Variants in AOAH observed in about 807,000 individuals in gnomAD.
AOAH encodes acyloxyacyl hydrolase.
In AOAH, 64 loss-of-function variants were observed where a neutral mutation model predicts 92.2. The ratio of observed to expected loss-of-function variants is 0.69; its 90% CI spans 0.57 to 0.86. The LOEUF is 0.86. Ranked by LOEUF, AOAH falls within the 40% of genes least tolerant of loss-of-function variation. The pLI, the probability that AOAH is intolerant of heterozygous loss-of-function variation, is 0.00. For missense variants in AOAH, 656 were observed against 694.6 expected (o/e 0.94, Z 0.62); for synonymous variants, 263 against 254.5 (o/e 1.03, Z -0.32).
At chr7:36,643,634 A>G (rs1794043749) in intron 4 of AOAH, among the ~76,000 whole-genome samples, 1 of 152,054 alleles carries the variant, frequency 6.6e-6, no homozygotes, top group Admixed American at 6.5e-5. Flanking sequence ...ATACTTACTT[A>G]GTGTTTATGT....
At chr7:36,618,047 C>A (rs1562626899) in intron 10 of AOAH, among the ~76,000 whole-genome samples, 1 of 152,210 alleles carries the variant, frequency 6.6e-6, no homozygotes, top group South Asian at 2.1e-4. Context: ...GCAACCTAAT[C>A]GTCAAGTAAA....
In AOAH at chr7:36,576,673, T is replaced by C. The variant is rs753869622; in HGVS notation, c.939-17A>G. The stretch of plus-strand genomic sequence containing the variant: ...TCTTTAATTCTGAAACAAATATATA[T>C]GTATATATTTAAGGTCAGGATACTC... On this transcript the variant is annotated splice_polypyrimidine_tract_variant and intron_variant, in intron 12 of 20. Coordinates refer to ENST00000617537, the MANE Select transcript of AOAH (RefSeq NM_001637.4). The C allele has an allele frequency of 4.9e-5, 63 of 1,287,464 alleles. No homozygotes were observed. The highest frequency in any genetic ancestry group is 6.7e-5 in the Non-Finnish European group (61 of 907,346). 79.8% of individuals were successfully genotyped at this position (1,287,464 alleles called of 1,614,324 possible). A position where few individuals can be genotyped will look rare whatever the true frequency, so the allele number is the denominator to read the frequency against.
chr7:36,560,016 T>G (rs1787140970), intron 13 of AOAH, among the ~76,000 whole-genome samples: 1 of 152,196 alleles, frequency 6.6e-6, no homozygotes, highest in Admixed American at 6.5e-5. Flanking sequence ...CAATTTTTGT[T>G]GACTTTGTTG....
chr7:36,575,843 T>C (rs1217651486), intron 13 of AOAH, among the ~76,000 whole-genome samples: 1 of 152,226 alleles, frequency 6.6e-6, no homozygotes, highest in Non-Finnish European at 1.5e-5. Flanking sequence ...CAAATAGGTT[T>C]AACTTCATGT....
At chr7:36,697,827 C>T (rs1335169842) in intron 1 of AOAH, among the ~76,000 whole-genome samples, 1 of 152,120 alleles carries the variant, frequency 6.6e-6, no homozygotes, top group Non-Finnish European at 1.5e-5. Flanking sequence ...GAAGAGAGAA[C>T]CACACTCAGA....
chr7:36,647,956 G>A (rs748535556), intron 4 of AOAH, among the ~76,000 whole-genome samples: 38 of 151,624 alleles, frequency 2.5e-4, no homozygotes, highest in Admixed American at 2.3e-3. Context: ...TCAGCCTCCC[G>A]AGCAGCTGGG....
chr7:36,674,789 C>T (rs541071683), intron 2 of AOAH, among the ~76,000 whole-genome samples: 60 of 152,306 alleles, frequency 3.9e-4, no homozygotes, highest in African/African-American at 1.4e-3. Flanking sequence ...TGATGTGTCT[C>T]ACATAGGGGG....
intron 11 of AOAH, chr7:36,599,637 T>C (rs947905365): frequency 1.3e-5 from 2 of 152,124 alleles, no homozygotes; most frequent in Admixed American, 6.5e-5. Context: ...TCAAAGCAGA[T>C]GGGGGATTGT....
rs143507293 is a variant in AOAH at position 36,700,493 on chromosome 7, G to T, written c.128-13699C>A. 2.6e-3 allele frequency among the ~76,000 whole-genome samples: 399 copies of T among 152,152 alleles called. 2 individuals carry two copies. The highest frequency in any genetic ancestry group is 9.3e-3 in the African/African-American group (385 of 41,550). Reference sequence around the variant, plus strand: ...CAGTTCCATCCATGTTGTTGCAAAAGACATGATTTCATTCTTTTTTATGGC... The same window carrying T: ...CAGTTCCATCCATGTTGTTGCAAAATACATGATTTCATTCTTTTTTATGGC... On this transcript the variant is annotated intron_variant, in intron 1 of 20. Coordinates refer to ENST00000617537, the MANE Select transcript of AOAH (RefSeq NM_001637.4).
In AOAH at chr7:36,673,889, G is replaced by T. The variant is rs930777672; in HGVS notation, c.290+54C>A. 4.6e-6 allele frequency: 6 copies of T among 1,317,222 alleles called. No homozygotes were observed. In the East Asian group the frequency reaches 7.2e-5, roughly 16 times the overall value. The allele number at this position is 1,317,222 out of a possible 1,614,324, so 81.6% of individuals were successfully genotyped here. A position where few individuals can be genotyped will look rare whatever the true frequency, so the allele number is the denominator to read the frequency against. On this transcript the variant is annotated intron_variant, in intron 3 of 20. Coordinates refer to ENST00000617537, the MANE Select transcript of AOAH (RefSeq NM_001637.4). ...GAGCCTCCCACCTCCCAGTTTTCTTGTTCCTCCCATGTCCCAGCAATGGAA... is the reference window on the plus strand; with the variant it reads ...GAGCCTCCCACCTCCCAGTTTTCTTTTTCCTCCCATGTCCCAGCAATGGAA...
chr7:36,652,609 T>G (rs552064961), intron 4 of AOAH, among the ~76,000 whole-genome samples: 1 of 152,322 alleles, frequency 6.6e-6, no homozygotes, highest in South Asian at 2.1e-4. Flanking sequence ...TGAAGGGTGA[T>G]CTCACCAGCA....
intron 1 of AOAH, 112 bp downstream of exon 1, chr7:36,723,910 C>G: frequency 7.8e-7 from 1 of 1,280,776 alleles, no homozygotes; most frequent in Non-Finnish European, 1.0e-6. Flanking sequence ...GGTGCCTTAC[C>G]TGGAATCTTA....
At chr7:36,617,952 A>C (rs980139253) in intron 10 of AOAH, among the ~76,000 whole-genome samples, 2 of 152,248 alleles carry the variant, frequency 1.3e-5, no homozygotes, top group Admixed American at 1.3e-4. Flanking sequence ...AGGAAAATGC[A>C]AAAGATTAAA....
intron 11 of AOAH, among the ~76,000 whole-genome samples, chr7:36,610,119 CT>C (rs993283880): frequency 2.6e-5 from 1 of 37,892 alleles, no homozygotes; most frequent in African/African-American, 1.1e-4. Context: ...TTCTTTTTTT[CT>C]TTTTTCTTTT....
chr7:36,582,393 G>A (rs991019733), intron 12 of AOAH, among the ~76,000 whole-genome samples: 5 of 152,184 alleles, frequency 3.3e-5, no homozygotes, highest in Non-Finnish European at 5.9e-5. Context: ...TAACTTTCCA[G>A]TTTCACCAGC....
At chr7:36,691,206 C>T (rs893658185) in intron 1 of AOAH, among the ~76,000 whole-genome samples, 17 of 152,042 alleles carry the variant, frequency 1.1e-4, no homozygotes, top group African/African-American at 3.6e-4. Flanking sequence ...CATAGATCTA[C>T]GAATTATTAC....
chr7:36,648,526 T>C (rs1794375126), intron 4 of AOAH, among the ~76,000 whole-genome samples: 1 of 152,128 alleles, frequency 6.6e-6, no homozygotes. Context: ...TCTTTTGACT[T>C]TGTGAAGGGG....
intron 3 of AOAH, among the ~76,000 whole-genome samples, chr7:36,670,600 G>A (rs944674829): frequency 6.6e-6 from 1 of 152,006 alleles, no homozygotes; most frequent in African/African-American, 2.4e-5. Context: ...TCAAGCTCCC[G>A]AGTAGCTGGG....
chr7:36,513,404 G>C lies in AOAH; in HGVS notation c.1600-24C>G, dbSNP rs116181990. The C allele has an allele frequency of 2.5e-6, 4 of 1,606,670 alleles. No individual in the cohort carries two copies. In the East Asian group the frequency reaches 6.7e-5, roughly 27 times the overall value. On this transcript the variant is annotated intron_variant, in intron 20 of 20. Transcript: ENST00000617537. Reference sequence around the variant, plus strand: ...ACCTGTGAGAGAGAACCCAAAGGACGAGGAAAAGGGAAATTAGGACAAATC... The same window carrying C: ...ACCTGTGAGAGAGAACCCAAAGGACCAGGAAAAGGGAAATTAGGACAAATC...
Sources: allele counts gnomAD v4.1 joint callset (sites outside exome capture counted in the v4.1 genomes callset), GRCh38; gene constraint gnomAD v4.1.1; transcripts MANE v1.5; gene names NCBI Gene and HGNC (gene_info 2026-07-23, HGNC 2026-07-21).